Variants in CDH18 observed in about 807,000 individuals in gnomAD.
The protein encoded by CDH18 is cadherin 18, also known as cadherin-18.
CDH18 carries 31 observed loss-of-function variants against 67.9 expected under a neutral mutation model. The ratio of observed to expected loss-of-function variants is 0.46; its 90% CI spans 0.34 to 0.62. The LOEUF is 0.62. Ranked by LOEUF, CDH18 falls within the 20% of genes least tolerant of loss-of-function variation. CDH18 has a pLI of 0.01. For synonymous variants in CDH18, 362 were observed against 347.2 expected (o/e 1.04, Z -0.48); for missense variants, 890 against 975.5 (o/e 0.91, Z 1.17).
At chr5:20,045,752 A>T (rs1351993037) in intron 2 of CDH18, among the ~76,000 whole-genome samples, 5 of 152,000 alleles carry the variant, frequency 3.3e-5, no homozygotes, top group Non-Finnish European at 7.4e-5. Flanking sequence ...CTTGTAAAAA[A>T]CAAAGGCACC....
chr5:19,691,966 C>T (rs976625170), intron 5 of CDH18, among the ~76,000 whole-genome samples: 2 of 151,930 alleles, frequency 1.3e-5, no homozygotes, highest in African/African-American at 4.8e-5. Flanking sequence ...ATTATATTAC[C>T]TGACTTCAGA....
chr5:20,305,568 G>A (rs1197963502), intron 1 of CDH18: 1 of 627,658 alleles, frequency 1.6e-6, no homozygotes, highest in Non-Finnish European at 2.8e-6. Context: ...AGGGCGCTCG[G>A]CCGCTTCCGG....
At position 20,023,055 on chromosome 5, in the gene CDH18, T is replaced by G. The variant is rs3105777; in HGVS notation, c.-517-31041A>C. Among the ~76,000 whole-genome samples, 1,169 of 152,332 alleles carry G rather than the reference T, an allele frequency of 7.7e-3. 16 individuals are homozygous for G. Among genetic ancestry groups the G allele is most frequent in the African/African-American group, 0.026 (1,091 of 41,574 alleles). The stretch of plus-strand genomic sequence containing the variant: ...TAATGTCTTTCTGATTTTTTTAAAC[T>G]TTAAAACACACCAAACCTAATAGAG... On this transcript the variant is annotated intron_variant, in intron 2 of 14. Transcript: ENST00000507958.
chr5:19,942,015 C>A lies in CDH18; in HGVS notation c.-257+39045G>T, dbSNP rs147616501. Among the ~76,000 whole-genome samples the A allele has an allele frequency of 2.0e-3, 311 of 152,070 alleles. 2 individuals carry two copies. Among genetic ancestry groups the A allele is most frequent in the African/African-American group, 7.0e-3 (291 of 41,488 alleles). On this transcript the variant is annotated intron_variant, in intron 2 of 12. Coordinates refer to ENST00000382275, the MANE Select transcript of CDH18 (RefSeq NM_004934.5). Reference sequence around the variant, plus strand: ...GAGCATTATATGAGCCTAGACATGGCAGATATGTTTAGGTCCAGGTCACAA... The same window carrying A: ...GAGCATTATATGAGCCTAGACATGGAAGATATGTTTAGGTCCAGGTCACAA...
intron 1 of CDH18, among the ~76,000 whole-genome samples, chr5:20,551,632 G>A (rs114664272): frequency 1.3e-3 from 196 of 152,242 alleles, no homozygotes; most frequent in African/African-American, 4.5e-3. Flanking sequence ...TTCAACTGGA[G>A]TCCCTCTGAG....
chr5:19,968,901 C>T (rs1251142754), intron 2 of CDH18, among the ~76,000 whole-genome samples: 1 of 142,232 alleles, frequency 7.0e-6, no homozygotes, highest in Non-Finnish European at 1.5e-5. Context: ...TCAGAGTGAA[C>T]AGGCAAACTA....
chr5:20,312,990 C>G (rs188663529), intron 1 of CDH18, among the ~76,000 whole-genome samples: 435 of 151,944 alleles, frequency 2.9e-3, no homozygotes, highest in Admixed American at 6.1e-3. Flanking sequence ...ATAGCAGGTG[C>G]TTAAAACAAT....
chr5:20,250,153 G>T (rs1027139522), intron 2 of CDH18, among the ~76,000 whole-genome samples: 2 of 152,126 alleles, frequency 1.3e-5, no homozygotes, highest in Admixed American at 1.3e-4. Context: ...TCAACATAAA[G>T]ACATGGTTAG....
intron 7 of CDH18, among the ~76,000 whole-genome samples, chr5:19,584,807 A>AAAAG (rs1743874688): frequency 6.7e-6 from 1 of 148,460 alleles, no homozygotes; most frequent in Admixed American, 6.7e-5. Context: ...AAAAAAAAAA[A>AAAAG]AAAAAGAAAA....
chr5:19,914,462 T>C (rs1791528781), intron 2 of CDH18, among the ~76,000 whole-genome samples: 1 of 152,138 alleles, frequency 6.6e-6, no homozygotes, highest in South Asian at 2.1e-4. Context: ...TCTATCTATA[T>C]ACACACATAA....
In CDH18 at chr5:19,559,915, C is replaced by CAAAAAAA. The variant is rs754748614; in HGVS notation, c.1253+11663_1253+11664insTTTTTTT. The stretch of plus-strand genomic sequence containing the variant: ...GAACTCAACCCCTTTATAATAGTTG[C>CAAAAAAA]AAAAACAAACAAAAAAAAAACTCAG... On this transcript the variant is annotated intron_variant, in intron 8 of 12. Coordinates refer to ENST00000382275, the MANE Select transcript of CDH18 (RefSeq NM_004934.5). Among the ~76,000 whole-genome samples the CAAAAAAA allele has an allele frequency of 3.7e-3, 486 of 131,414 alleles. 6 individuals are homozygous for CAAAAAAA. The highest frequency in any genetic ancestry group is 5.9e-3 in the African/African-American group (196 of 33,442). The allele number at this position is 131,414 out of a possible 152,430, so 86.2% of individuals were successfully genotyped here.
intron 2 of CDH18, among the ~76,000 whole-genome samples, chr5:20,025,319 G>A (rs1317987963): frequency 6.6e-6 from 1 of 152,066 alleles, no homozygotes; most frequent in Non-Finnish European, 1.5e-5. Context: ...TTGGAAAGTA[G>A]CAGATATTTG....
At position 20,240,217 on chromosome 5, in the gene CDH18, G is replaced by C. The variant is rs570003840; in HGVS notation, c.-518+15227C>G. Among the ~76,000 whole-genome samples, 234 of 151,874 alleles carry C rather than the reference G, an allele frequency of 1.5e-3. 2 individuals are homozygous for C. The highest frequency in any genetic ancestry group is 5.5e-3 in the African/African-American group (226 of 41,454). On this transcript the variant is annotated intron_variant, in intron 2 of 14. Coordinates refer to the CDH18 transcript ENST00000507958. ...GCTAAAGGAAAACAAAACAATAGTGGATATCCAAGTTTAGACTTAATACAT... is the reference window on the plus strand; with the variant it reads ...GCTAAAGGAAAACAAAACAATAGTGCATATCCAAGTTTAGACTTAATACAT...
chr5:20,172,210 A>ACG (rs1478085064), intron 2 of CDH18, among the ~76,000 whole-genome samples: 10 of 67,456 alleles, frequency 1.5e-4, no homozygotes, highest in East Asian at 9.9e-4. Flanking sequence ...ATATATATAT[A>ACG]TATATATATA....
At chr5:19,730,161 A>T (rs906037672) in intron 4 of CDH18, among the ~76,000 whole-genome samples, 2 of 152,242 alleles carry the variant, frequency 1.3e-5, no homozygotes, top group Non-Finnish European at 2.9e-5. Flanking sequence ...TACTACTCTC[A>T]GCCTTAAGGG....
At chr5:20,489,132 A>G (rs937936630) in intron 1 of CDH18, among the ~76,000 whole-genome samples, 6 of 152,008 alleles carry the variant, frequency 3.9e-5, no homozygotes, top group Non-Finnish European at 8.8e-5. Context: ...CTATGCTTCT[A>G]TATGTATCAT....
At chr5:20,103,865 A>G (rs1746694708) in intron 2 of CDH18, among the ~76,000 whole-genome samples, 1 of 151,360 alleles carries the variant, frequency 6.6e-6, no homozygotes, top group African/African-American at 2.4e-5. Context: ...ATTACTTTAG[A>G]GATTGAAGGT....
At chr5:19,522,894 C>CA (rs36099222) in intron 9 of CDH18, among the ~76,000 whole-genome samples, 5,456 of 83,582 alleles carry the variant, frequency 0.065, 227 homozygotes, top group African/African-American at 0.076. Context: ...GACTCCTTCT[C>CA]AAAAAAAAAA....
chr5:20,380,127 T>G (rs867299139), intron 1 of CDH18, among the ~76,000 whole-genome samples: 1 of 152,184 alleles, frequency 6.6e-6, no homozygotes, highest in Non-Finnish European at 1.5e-5. Context: ...AGATCTAAAA[T>G]GTAGCATCTA....
Sources: allele counts gnomAD v4.1 joint callset (sites outside exome capture counted in the v4.1 genomes callset), GRCh38; gene constraint gnomAD v4.1.1; transcripts MANE v1.5; gene names NCBI Gene and HGNC (gene_info 2026-07-23, HGNC 2026-07-21).